The following SLC6A11 variants were observed in gnomAD, a reference collection of about 807,000 sequenced individuals.
SLC6A11 encodes sodium- and chloride-dependent GABA transporter 3.
In SLC6A11, 25 loss-of-function variants were observed where a neutral mutation model predicts 74.8. The observed-to-expected ratio is 0.33, with a 90% CI of 0.24 to 0.47. The LOEUF (loss-of-function observed/expected upper bound fraction) is 0.47, where lower values mean the gene tolerates loss of function less well. Ranked by LOEUF, SLC6A11 falls within the 20% of genes least tolerant of loss-of-function variation. The pLI is 1.00. For missense variants in SLC6A11, 574 were observed against 837.0 expected, an observed-to-expected ratio of 0.69 and a Z score of 3.88; for synonymous variants, 330 against 330.2, an observed-to-expected ratio of 1.00 and a Z score of 0.01.
At chr3:10,885,394 T>C (rs1345960721) in intron 6 of SLC6A11, among the ~76,000 whole-genome samples, 1 of 152,104 alleles carries the variant, frequency 6.6e-6, no homozygotes, top group African/African-American at 2.4e-5. Flanking sequence ...AGGGCTTGGC[T>C]TTAGACTTAA....
At chr3:10,833,176 C>T (rs1425569503) in intron 4 of SLC6A11, among the ~76,000 whole-genome samples, 1 of 152,228 alleles carries the variant, frequency 6.6e-6, no homozygotes, top group Admixed American at 6.5e-5. Flanking sequence ...ATTCTCCCAC[C>T]TCAACCTCCC....
At chr3:10,898,565 A>C (rs1695199393) in intron 6 of SLC6A11, among the ~76,000 whole-genome samples, 1 of 152,222 alleles carries the variant, frequency 6.6e-6, no homozygotes, top group Non-Finnish European at 1.5e-5. Context: ...ACACAACAAG[A>C]GTCACGTTTG....
chr3:10,884,143 A>G (rs1695014954), intron 6 of SLC6A11, among the ~76,000 whole-genome samples: 1 of 152,168 alleles, frequency 6.6e-6, no homozygotes, highest in African/African-American at 2.4e-5. Flanking sequence ...CTGATCTAAC[A>G]TCATGCACGC....
At chr3:10,852,070 A>T (rs1458833567) in intron 5 of SLC6A11, among the ~76,000 whole-genome samples, 4 of 152,214 alleles carry the variant, frequency 2.6e-5, no homozygotes, top group Non-Finnish European at 5.9e-5. Flanking sequence ...AAAGGAAGGG[A>T]TGTGTGAAAG....
intron 13 of SLC6A11, among the ~76,000 whole-genome samples, chr3:10,936,024 G>A (rs907452831): frequency 6.6e-6 from 1 of 152,024 alleles, no homozygotes; most frequent in Admixed American, 6.6e-5. Flanking sequence ...CAACTGAATC[G>A]TTACTGAGCC....
intron 9 of SLC6A11, among the ~76,000 whole-genome samples, chr3:10,928,706 G>C (rs1363145394): frequency 6.6e-6 from 1 of 152,136 alleles, no homozygotes; most frequent in Non-Finnish European, 1.5e-5. Context: ...CTGCCAGAAA[G>C]AAAGGGCAGG....
intron 5 of SLC6A11, among the ~76,000 whole-genome samples, chr3:10,864,201 G>A (rs550165114): frequency 1.7e-4 from 26 of 151,944 alleles, no homozygotes; most frequent in Middle Eastern, 6.8e-3. Context: ...ATGAGCCATG[G>A]GTGTAGGTGA....
At chr3:10,835,720 T>A (rs973121742) in intron 4 of SLC6A11, among the ~76,000 whole-genome samples, 3 of 152,202 alleles carry the variant, frequency 2.0e-5, no homozygotes, top group Non-Finnish European at 2.9e-5. Flanking sequence ...CTGTGGAGCC[T>A]GAGTTTCCTC....
At chr3:10,938,136 G>T in intron 13 of SLC6A11, 114 bp from the exon 14 acceptor site, 1 of 1,046,184 alleles carries the variant, frequency 9.6e-7, no homozygotes, top group Non-Finnish European at 1.4e-6. Flanking sequence ...CCGGACCTTG[G>T]TCTGAGAATT....
chr3:10,881,468 C>G (rs1694981159), intron 6 of SLC6A11, among the ~76,000 whole-genome samples: 1 of 152,188 alleles, frequency 6.6e-6, no homozygotes, highest in South Asian at 2.1e-4. Context: ...CATCACTTTC[C>G]CTCTCTTGCC....
At chr3:10,829,713 C>T (rs1457345521) in intron 4 of SLC6A11, among the ~76,000 whole-genome samples, 1 of 152,146 alleles carries the variant, frequency 6.6e-6, no homozygotes, top group Non-Finnish European at 1.5e-5. Context: ...TTAGGCTTGT[C>T]AAGAGCATGG....
Position 10,933,889 on chromosome 3 carries a change from C to T in SLC6A11, c.1475-177C>T. On this transcript the variant is annotated intron_variant, in intron 11 of 13. Coordinates refer to ENST00000254488, the MANE Select transcript of SLC6A11 (RefSeq NM_014229.3). ...GTGGGCCAGCATCCCTCCTGCTGCTCTTTATTCTGAAACCTCACACATGTA... is the reference window on the plus strand; with the variant it reads ...GTGGGCCAGCATCCCTCCTGCTGCTTTTTATTCTGAAACCTCACACATGTA... 3 of 527,806 alleles carry T rather than the reference C, an allele frequency of 5.7e-6. No homozygotes were observed. The South Asian group carries it at 7.8e-5, about 14-fold the overall frequency. The allele number at this position is 527,806 out of a possible 1,614,324, so 32.7% of individuals were successfully genotyped here. A position where few individuals can be genotyped will look rare whatever the true frequency, so the allele number is the denominator to read the frequency against.
At chr3:10,903,931 C>A (rs1048034022) in intron 6 of SLC6A11, among the ~76,000 whole-genome samples, 7 of 152,218 alleles carry the variant, frequency 4.6e-5, no homozygotes, top group African/African-American at 1.4e-4. Context: ...CTTTCTCCCC[C>A]AAACATCTAA....
At chr3:10,868,215 T>C (rs17033548) in intron 5 of SLC6A11, among the ~76,000 whole-genome samples, 4,499 of 152,232 alleles carry the variant, frequency 0.03, 109 homozygotes, top group East Asian at 0.11. Context: ...GATTTTGTGG[T>C]CCTAGGTTCT....
chr3:10,882,063 A>G (rs3774107), intron 6 of SLC6A11, among the ~76,000 whole-genome samples: 2,956 of 152,216 alleles, frequency 0.019, 73 homozygotes, highest in East Asian at 0.11. Context: ...GAAGGCTGAT[A>G]AAGTGTTGAG....
intron 3 of SLC6A11, among the ~76,000 whole-genome samples, chr3:10,821,450 G>A (rs1020326147): frequency 3.3e-5 from 5 of 152,196 alleles, no homozygotes; most frequent in African/African-American, 1.2e-4. Context: ...CACACCATAG[G>A]AATGAAGGTT....
chr3:10,843,463 T>A (rs1450635095), intron 4 of SLC6A11, among the ~76,000 whole-genome samples: 2 of 152,120 alleles, frequency 1.3e-5, no homozygotes. Flanking sequence ...CGTCTCCACT[T>A]CCTTCTTCTT....
intron 5 of SLC6A11, among the ~76,000 whole-genome samples, chr3:10,857,440 G>T (rs1468972467): frequency 6.6e-6 from 1 of 152,122 alleles, no homozygotes; most frequent in Admixed American, 6.5e-5. Context: ...AGTGGAGGTG[G>T]CACCAACAGG....
chr3:10,856,564 G>A (rs1377552658), intron 5 of SLC6A11, among the ~76,000 whole-genome samples: 2 of 152,188 alleles, frequency 1.3e-5, no homozygotes, highest in Admixed American at 1.3e-4. Context: ...GTTGGTGGAG[G>A]AGTCAGGATT....
Sources: allele counts gnomAD v4.1 joint callset (sites outside exome capture counted in the v4.1 genomes callset), GRCh38; gene constraint gnomAD v4.1.1; transcripts MANE v1.5; gene names NCBI Gene and HGNC (gene_info 2026-07-23, HGNC 2026-07-21).